GPHN: variants seen among roughly 807,000 people sequenced by gnomAD.
GPHN encodes the protein gephyrin.
GPHN carries 17 observed loss-of-function variants against 95.5 expected under a neutral mutation model. That is an observed-to-expected ratio of 0.18 (90% confidence interval 0.12 to 0.27). The LOEUF (loss-of-function observed/expected upper bound fraction) is 0.27, where lower values mean the gene tolerates loss of function less well. GPHN is among the 10% of genes least tolerant of loss of function. The pLI is 1.00. For missense variants in GPHN, 660 were observed against 978.1 expected (o/e 0.67, Z 4.34); for synonymous variants, 320 against 322.5 (o/e 0.99, Z 0.08).
the GPHN span, among the ~76,000 whole-genome samples, chr14:67,449,311 T>C: frequency 4.1e-4 from 62 of 152,330 alleles, 1 homozygote; most frequent in East Asian, 9.3e-3. Context: ...AGAGGCTGCA[T>C]TGGATATGAT....
At chr14:66,886,537 A>C (rs1201676198) in intron 5 of GPHN, among the ~76,000 whole-genome samples, 1 of 152,118 alleles carries the variant, frequency 6.6e-6, no homozygotes, top group African/African-American at 2.4e-5. Context: ...TTAAAAAAAT[A>C]AAGAAGAAAA....
At chr14:66,761,659 C>CTTTT (rs753179169) in intron 2 of GPHN, among the ~76,000 whole-genome samples, 4 of 135,634 alleles carry the variant, frequency 2.9e-5, no homozygotes, top group Non-Finnish European at 3.3e-5. Context: ...ATACTCAGTT[C>CTTTT]TTTTTTTTTT....
intron 1 of GPHN, among the ~76,000 whole-genome samples, chr14:66,553,218 TG>T (rs1388958161): frequency 1.3e-5 from 2 of 152,156 alleles, no homozygotes; most frequent in Non-Finnish European, 2.9e-5. Flanking sequence ...CTCGAACTTT[TG>T]ACCTCAGGCA....
intron 19 of GPHN, among the ~76,000 whole-genome samples, chr14:67,164,796 T>C (rs1473797914): frequency 6.6e-6 from 1 of 152,138 alleles, no homozygotes; most frequent in Admixed American, 6.5e-5. Context: ...CTGGCCAGTC[T>C]TCTGCTTTTA....
intron 10 of GPHN, among the ~76,000 whole-genome samples, chr14:67,036,554 C>T (rs1473322072): frequency 6.8e-6 from 1 of 146,332 alleles, no homozygotes. Context: ...GAAACACTAA[C>T]TGTTAAAGCT....
rs2059879662 is a variant in GPHN, at chr14:66,788,944, A to T, written c.201+12423A>T. 2.0e-5 allele frequency among the ~76,000 whole-genome samples: 3 copies of T among 152,294 alleles called. No individual in the cohort carries two copies. In the South Asian group the frequency reaches 6.2e-4, roughly 32 times the overall value. On this transcript the variant is annotated intron_variant, in intron 3 of 22. Coordinates refer to ENST00000478722, the MANE Select transcript of GPHN (RefSeq NM_020806.5). ...TCCACCCACCTCAGCCTCCCAAATA[A>T]ACCCACTTCTTAATAAAACCTATCC...
chr14:66,841,838 C>T (rs1266005235), intron 4 of GPHN, among the ~76,000 whole-genome samples: 7 of 151,890 alleles, frequency 4.6e-5, no homozygotes, highest in African/African-American at 1.7e-4. Flanking sequence ...GTCAGGAGTT[C>T]AAGACCAGCC....
intron 1 of GPHN, among the ~76,000 whole-genome samples, chr14:66,612,372 T>G (rs942497668): frequency 1.3e-5 from 2 of 152,036 alleles, no homozygotes; most frequent in Non-Finnish European, 2.9e-5. Flanking sequence ...CCCTCCCACA[T>G]AGTTGCTCTG....
At chr14:67,660,066 G>A in the GPHN span, 1 of 818,552 alleles carries the variant, frequency 1.2e-6, no homozygotes, top group East Asian at 2.8e-5. Context: ...CAGGGACCAT[G>A]TCTGGCATGT....
rs75033442 is a variant in GPHN at position 66,530,128 on chromosome 14, T to C, written c.64+21537T>C. 1.8e-3 allele frequency among the ~76,000 whole-genome samples: 278 copies of C among 152,220 alleles called. 9 individuals are homozygous for C. The East Asian group carries it at 0.049, about 27-fold the overall frequency. On this transcript the variant is annotated intron_variant, in intron 1 of 22. Coordinates refer to ENST00000478722, the MANE Select transcript of GPHN (RefSeq NM_020806.5). The stretch of plus-strand genomic sequence containing the variant: ...CCCCTGACTGGGGCTCCCACCTTTT[T>C]TTCAGAGATGCCCTGCCCAGAGTGG...
chr14:67,264,954 A>C, the GPHN span, among the ~76,000 whole-genome samples: 7,406 of 152,138 alleles, frequency 0.049, 201 homozygotes, highest in East Asian at 0.058. Context: ...TCCATCCATG[A>C]GGGCAGATGA....
At chr14:67,549,691 T>C in the GPHN span, among the ~76,000 whole-genome samples, 1 of 152,124 alleles carries the variant, frequency 6.6e-6, no homozygotes, top group Non-Finnish European at 1.5e-5. Context: ...TGAGAAGGGG[T>C]GCTGATGGGG....
intron 1 of GPHN, among the ~76,000 whole-genome samples, chr14:66,530,871 G>T (rs758389091): frequency 2.6e-5 from 4 of 151,858 alleles, no homozygotes; most frequent in East Asian, 1.9e-4. Flanking sequence ...CGTTGATCTC[G>T]CTGGGAGCTG....
intron 8 of GPHN, among the ~76,000 whole-genome samples, chr14:66,955,171 TAAATA>T (rs2068401923): frequency 6.6e-6 from 1 of 152,164 alleles, no homozygotes. Flanking sequence ...GAAGAGTTGG[TAAATA>T]ATTTTTGTTA....
the GPHN span, chr14:67,337,958 G>A: frequency 1.3e-5 from 2 of 152,192 alleles, no homozygotes; most frequent in African/African-American, 4.8e-5. Flanking sequence ...AATACATGGA[G>A]TGGGAAAAAT....
At chr14:67,610,192 T>G in the GPHN span, among the ~76,000 whole-genome samples, 1 of 152,200 alleles carries the variant, frequency 6.6e-6, no homozygotes, top group African/African-American at 2.4e-5. Context: ...AGAAACCACC[T>G]TTGCAGAATT....
In GPHN at chr14:66,652,197, C is replaced by A. The variant is rs1050094772; in HGVS notation, c.65-28910C>A. Among the ~76,000 whole-genome samples the A allele has an allele frequency of 3.3e-5, 5 of 152,086 alleles. No individual in the cohort carries two copies. The East Asian group carries it at 9.7e-4, about 29-fold the overall frequency. On this transcript the variant is annotated intron_variant, in intron 1 of 22. Transcript: ENST00000478722. ...TATTTATTAAACACCTATCATATGC[C>A]AAACATTGTGGTTACCAGGGAGATA...
chr14:67,554,236 T>C, the GPHN span, among the ~76,000 whole-genome samples: 2 of 151,516 alleles, frequency 1.3e-5, no homozygotes, highest in African/African-American at 2.4e-5. Flanking sequence ...GGCTGGGGGG[T>C]CCTGCTCATC....
chr14:67,590,168 G>C, the GPHN span: 1 of 1,549,796 alleles, frequency 6.5e-7, no homozygotes, highest in East Asian at 2.4e-5. Flanking sequence ...CCGGGGCTTG[G>C]CACTCTGAAT....
Sources: allele counts gnomAD v4.1 joint callset (sites outside exome capture counted in the v4.1 genomes callset), GRCh38; gene constraint gnomAD v4.1.1; transcripts MANE v1.5; gene names NCBI Gene and HGNC (gene_info 2026-07-23, HGNC 2026-07-21).